SDK1: variants seen among roughly 807,000 people sequenced by gnomAD.
SDK1 encodes the protein protein sidekick-1.
SDK1 carries 157 observed loss-of-function variants against 245.5 expected under a neutral mutation model. The ratio of observed to expected loss-of-function variants is 0.64; its 90% CI spans 0.56 to 0.73. SDK1 has a LOEUF of 0.73. SDK1 is among the 30% of genes least tolerant of loss of function. The pLI is 0.00. For missense variants in SDK1, 3,583 were observed against 3,002.3 expected (o/e 1.19, Z -4.52); for synonymous variants, 1,647 against 1,278.5 (o/e 1.29, Z -6.15).
At chr7:3,340,906 G>T (rs985718034) in intron 1 of SDK1, among the ~76,000 whole-genome samples, 1 of 152,044 alleles carries the variant, frequency 6.6e-6, no homozygotes, top group African/African-American at 2.4e-5. Context: ...GGTCCAGATG[G>T]TTTCACTGGA....
intron 1 of SDK1, among the ~76,000 whole-genome samples, chr7:3,551,859 TG>T (rs1410206721): frequency 2.0e-5 from 3 of 152,152 alleles, no homozygotes; most frequent in Non-Finnish European, 2.9e-5. Context: ...TTTTTGTTGT[TG>T]TTTTTAAGGA....
In SDK1 at chr7:3,650,457, T is replaced by G. The variant is rs1782977934; in HGVS notation, c.713+8352T>G. On this transcript the variant is annotated intron_variant, in intron 4 of 44. Transcript: ENST00000404826. Reference sequence around the variant, plus strand: ...TGTGTGAATGGAATCATATGGCATTTATCCTTTTCCACCTATTTTTAATTA... The same window carrying G: ...TGTGTGAATGGAATCATATGGCATTGATCCTTTTCCACCTATTTTTAATTA... Among the ~76,000 whole-genome samples the G allele has an allele frequency of 1.3e-5, 2 of 152,240 alleles. 1 individual carries two copies. The highest frequency in any genetic ancestry group is 4.1e-4 in the South Asian group (2 of 4,830).
chr7:3,866,254 G>T (rs1418202688), intron 5 of SDK1, among the ~76,000 whole-genome samples: 1 of 152,128 alleles, frequency 6.6e-6, no homozygotes, highest in African/African-American at 2.4e-5. Context: ...TACTGATTGT[G>T]CATCTCTCAC....
intron 5 of SDK1, among the ~76,000 whole-genome samples, chr7:3,844,389 G>A (rs1780227224): frequency 6.6e-6 from 1 of 152,170 alleles, no homozygotes; most frequent in Non-Finnish European, 1.5e-5. Flanking sequence ...ACACAGACAG[G>A]TGAGGAGGAG....
chr7:3,588,170 T>C (rs1166134930), intron 1 of SDK1, among the ~76,000 whole-genome samples: 1 of 152,206 alleles, frequency 6.6e-6, no homozygotes, highest in Non-Finnish European at 1.5e-5. Flanking sequence ...CTTATTATAA[T>C]CTGATTTGTC....
chr7:3,957,173 G>A (rs1019850404), intron 7 of SDK1, among the ~76,000 whole-genome samples: 4 of 152,172 alleles, frequency 2.6e-5, no homozygotes, highest in African/African-American at 9.7e-5. Flanking sequence ...GAGGGGTGGG[G>A]GTTTGGGGTG....
chr7:3,499,416 G>A (rs1391492070), intron 1 of SDK1, among the ~76,000 whole-genome samples: 1 of 152,062 alleles, frequency 6.6e-6, no homozygotes, highest in Non-Finnish European at 1.5e-5. Context: ...TTAAAAATGT[G>A]TAGTATGGTG....
At chr7:3,788,830 C>T (rs575346836) in intron 4 of SDK1, among the ~76,000 whole-genome samples, 1 of 152,282 alleles carries the variant, frequency 6.6e-6, no homozygotes, top group South Asian at 2.1e-4. Context: ...TTGCCTCTCC[C>T]AGTTCCGAGA....
intron 1 of SDK1, among the ~76,000 whole-genome samples, chr7:3,409,915 C>A (rs926394029): frequency 1.3e-5 from 2 of 152,040 alleles, no homozygotes; most frequent in Non-Finnish European, 2.9e-5. Flanking sequence ...AGAGTGACAG[C>A]ACAGAGGTGA....
At chr7:3,315,468 G>A (rs999167466) in intron 1 of SDK1, among the ~76,000 whole-genome samples, 1 of 152,118 alleles carries the variant, frequency 6.6e-6, no homozygotes, top group African/African-American at 2.4e-5. Flanking sequence ...CCCTTCCTGG[G>A]AGTCTCCAAG....
chr7:3,757,853 C>G (rs568024325), intron 4 of SDK1, among the ~76,000 whole-genome samples: 9 of 152,236 alleles, frequency 5.9e-5, no homozygotes, highest in South Asian at 4.2e-4. Context: ...GCTGAAAGTT[C>G]CAAGTTTCTA....
chr7:3,967,990 G>A (rs577287255), intron 10 of SDK1, among the ~76,000 whole-genome samples: 32 of 152,328 alleles, frequency 2.1e-4, no homozygotes, highest in African/African-American at 7.7e-4. Context: ...AAAAGAGAAG[G>A]ATTGTGCAAA....
At chr7:4,163,624 G>A (rs1161131890) in intron 32 of SDK1, among the ~76,000 whole-genome samples, 1 of 152,202 alleles carries the variant, frequency 6.6e-6, no homozygotes, top group South Asian at 2.1e-4. Flanking sequence ...CCAGGACCAG[G>A]CTAGGACAGG....
intron 4 of SDK1, among the ~76,000 whole-genome samples, chr7:3,662,579 C>A (rs905725519): frequency 6.6e-6 from 1 of 152,136 alleles, no homozygotes; most frequent in Non-Finnish European, 1.5e-5. Context: ...AGGGCCGCTG[C>A]GGGGACGATT....
intron 1 of SDK1, among the ~76,000 whole-genome samples, chr7:3,542,817 G>C (rs896066834): frequency 2.6e-5 from 4 of 152,060 alleles, no homozygotes; most frequent in African/African-American, 9.7e-5. Flanking sequence ...TGTAGAGAGA[G>C]AAATTAGAAA....
At chr7:3,943,391 C>A (rs1420582820) in intron 5 of SDK1, among the ~76,000 whole-genome samples, 4 of 466 alleles carry the variant, frequency 8.6e-3, no homozygotes, top group East Asian at 0.038. Context: ...CTTCTCCCCC[C>A]ACTTCCTCCT....
At chr7:3,629,556 G>C (rs898159326) in intron 2 of SDK1, among the ~76,000 whole-genome samples, 2 of 152,186 alleles carry the variant, frequency 1.3e-5, no homozygotes, top group Non-Finnish European at 2.9e-5. Context: ...GAGTTTATCA[G>C]ATAGCCTGCA....
intron 1 of SDK1, among the ~76,000 whole-genome samples, chr7:3,440,921 A>G (rs1780175492): frequency 6.6e-6 from 1 of 152,206 alleles, no homozygotes; most frequent in Admixed American, 6.5e-5. Flanking sequence ...AGAATCATTC[A>G]GCCTATATGA....
chr7:3,769,459 A>G (rs988546044), intron 4 of SDK1, among the ~76,000 whole-genome samples: 3 of 152,188 alleles, frequency 2.0e-5, no homozygotes, highest in African/African-American at 7.2e-5. Context: ...ACTCATTAAT[A>G]TATTAATCCA....
Sources: gnomAD v4.1 joint callset for allele counts (sites outside exome capture counted in the v4.1 genomes callset) on GRCh38, gnomAD v4.1.1 for gene constraint, MANE v1.5 for transcripts, NCBI Gene and HGNC (gene_info 2026-07-23, HGNC 2026-07-21) for gene names.